CADM2: variants seen among roughly 807,000 people sequenced by gnomAD.
CADM2 encodes immunoglobulin superfamily member 4D.
In CADM2, 12 loss-of-function variants were observed where a neutral mutation model predicts 49.8. The ratio of observed to expected loss-of-function variants is 0.24; its 90% CI spans 0.15 to 0.39. CADM2 has a LOEUF of 0.39. Among genes scored for constraint, CADM2 ranks in the 10% least tolerant of loss-of-function variants. The pLI is 1.00. For synonymous variants in CADM2, 214 were observed against 175.4 expected (o/e 1.22, Z -1.74); for missense variants, 378 against 492.3 (o/e 0.77, Z 2.20).
intron 6 of CADM2, among the ~76,000 whole-genome samples, chr3:85,919,623 G>A (rs945948678): frequency 2.0e-5 from 3 of 151,702 alleles, no homozygotes; most frequent in Non-Finnish European, 4.4e-5. Context: ...GTTACCATGC[G>A]AATTACTAAT....
At chr3:85,895,228 G>A (rs1474563959) in intron 5 of CADM2, among the ~76,000 whole-genome samples, 1 of 152,208 alleles carries the variant, frequency 6.6e-6, no homozygotes. Context: ...TCTTGCATCA[G>A]TGTGACCTGG....
chr3:85,360,519 T>C (rs1036795844), intron 1 of CADM2, among the ~76,000 whole-genome samples: 1 of 152,212 alleles, frequency 6.6e-6, no homozygotes, highest in Non-Finnish European at 1.5e-5. Flanking sequence ...AACATATGGA[T>C]AGTTAAAAGT....
At chr3:85,698,584 G>T (rs1407106469) in intron 1 of CADM2, among the ~76,000 whole-genome samples, 4 of 152,136 alleles carry the variant, frequency 2.6e-5, no homozygotes, top group Non-Finnish European at 4.4e-5. Context: ...TGGGGCAGGA[G>T]AAGGAGAGGT....
intron 3 of CADM2, among the ~76,000 whole-genome samples, chr3:85,870,869 A>C (rs972149832): frequency 2.0e-5 from 3 of 152,132 alleles, no homozygotes; most frequent in African/African-American, 7.2e-5. Context: ...TCTCCTTCTT[A>C]TACCATATAC....
At chr3:85,111,652 G>A (rs1459902764) in intron 1 of CADM2, among the ~76,000 whole-genome samples, 1 of 124,838 alleles carries the variant, frequency 8.0e-6, no homozygotes, top group Non-Finnish European at 1.6e-5. Context: ...ATGGTTGATG[G>A]GTACCAAAAG....
chr3:85,744,846 G>A (rs1430752144), intron 2 of CADM2, among the ~76,000 whole-genome samples: 2 of 152,266 alleles, frequency 1.3e-5, no homozygotes, highest in East Asian at 3.9e-4. Flanking sequence ...CCAGCTCAAG[G>A]GCTCAACTTT....
intron 1 of CADM2, among the ~76,000 whole-genome samples, chr3:85,559,731 G>A (rs2062047583): frequency 6.6e-6 from 1 of 151,380 alleles, no homozygotes; most frequent in Admixed American, 6.6e-5. Flanking sequence ...TATTGCTTAA[G>A]CCATGATTCT....
rs146150736 is a variant in CADM2, at chr3:84,980,066, C to T, written c.61+20398C>T. Among the ~76,000 whole-genome samples, 1,267 of 152,228 alleles carry T rather than the reference C, an allele frequency of 8.3e-3. 14 individuals carry two copies. Among genetic ancestry groups the T allele is most frequent in the Middle Eastern group, 0.031 (9 of 294 alleles). Reference sequence around the variant, plus strand: ...TTATTGATTAATTTAGAGTGGATTTCATAATAACCTTGATCATAATCATAC... The same window carrying T: ...TTATTGATTAATTTAGAGTGGATTTTATAATAACCTTGATCATAATCATAC... On this transcript the variant is annotated intron_variant, in intron 1 of 9. Coordinates refer to ENST00000383699, the MANE Select transcript of CADM2 (RefSeq NM_001167675.2).
rs538669814 is a variant in CADM2, at chr3:85,177,525, A to C, written c.61+217857A>C. Among the ~76,000 whole-genome samples the C allele has an allele frequency of 1.5e-3, 230 of 152,152 alleles. 2 individuals carry two copies. The Middle Eastern group carries it at 0.02, about 14-fold the overall frequency. ...ATCTTAAAATTATCTATAATGTATA[A>C]AAATAGACATATAGAAAGTCTAAAT... On this transcript the variant is annotated intron_variant, in intron 1 of 9. Coordinates refer to ENST00000383699, the MANE Select transcript of CADM2 (RefSeq NM_001167675.2).
At chr3:85,695,988 G>A (rs998372077) in intron 1 of CADM2, among the ~76,000 whole-genome samples, 4 of 151,956 alleles carry the variant, frequency 2.6e-5, no homozygotes, top group Non-Finnish European at 4.4e-5. Context: ...TATATTAAGT[G>A]TGTATATTAG....
chr3:85,951,882 TG>T (rs1383567655), intron 7 of CADM2, among the ~76,000 whole-genome samples: 1 of 150,558 alleles, frequency 6.6e-6, no homozygotes, highest in East Asian at 2.0e-4. Context: ...TAGATAATAA[TG>T]GATGGAGAAA....
At chr3:85,080,912 A>G (rs1384999377) in intron 1 of CADM2, among the ~76,000 whole-genome samples, 2 of 152,120 alleles carry the variant, frequency 1.3e-5, no homozygotes, top group Non-Finnish European at 2.9e-5. Flanking sequence ...TTATTAGAAT[A>G]CAATCCAGGA....
chr3:85,407,004 T>C (rs1432582690), intron 1 of CADM2, among the ~76,000 whole-genome samples: 1 of 152,056 alleles, frequency 6.6e-6, no homozygotes, highest in East Asian at 1.9e-4. Flanking sequence ...AAGACCAGCC[T>C]GGGCAGCATA....
chr3:85,673,170 A>G (rs2065793496), intron 1 of CADM2, among the ~76,000 whole-genome samples: 1 of 152,176 alleles, frequency 6.6e-6, no homozygotes, highest in South Asian at 2.1e-4. Flanking sequence ...CATTAACCAA[A>G]AAAGCCCTCT....
At chr3:85,618,429 G>T (rs2063863299) in intron 1 of CADM2, among the ~76,000 whole-genome samples, 1 of 152,084 alleles carries the variant, frequency 6.6e-6, no homozygotes, top group Admixed American at 6.6e-5. Context: ...AGAAAAAAAA[G>T]ATAGAAGATG....
chr3:85,009,510 T>A (rs534387049), intron 1 of CADM2, among the ~76,000 whole-genome samples: 5 of 152,292 alleles, frequency 3.3e-5, no homozygotes, highest in Admixed American at 3.3e-4. Context: ...TTACCTATAT[T>A]ATTGCATTTT....
intron 3 of CADM2, among the ~76,000 whole-genome samples, chr3:85,825,403 C>G (rs556669787): frequency 9.2e-5 from 14 of 152,048 alleles, no homozygotes; most frequent in Non-Finnish European, 1.6e-4. Context: ...GTAATCAAAA[C>G]GTGCAGCCAC....
chr3:85,090,622 C>T (rs1036986055), intron 1 of CADM2, among the ~76,000 whole-genome samples: 1 of 152,130 alleles, frequency 6.6e-6, no homozygotes, highest in Non-Finnish European at 1.5e-5. Flanking sequence ...TGAGAGTGCT[C>T]TAGACCAGGG....
chr3:85,759,431 A>G (rs560727898), intron 2 of CADM2, among the ~76,000 whole-genome samples: 1 of 152,070 alleles, frequency 6.6e-6, no homozygotes, highest in Non-Finnish European at 1.5e-5. Context: ...ACACAATAAA[A>G]TAATGTATGA....
Sources: allele counts gnomAD v4.1 joint callset (sites outside exome capture counted in the v4.1 genomes callset), GRCh38; gene constraint gnomAD v4.1.1; transcripts MANE v1.5; gene names NCBI Gene and HGNC (gene_info 2026-07-23, HGNC 2026-07-21).